The following HARS1 variants were observed in gnomAD, a reference collection of about 807,000 sequenced individuals.
HARS1 encodes the protein histidyl-tRNA synthetase 1, also known as histidine--tRNA ligase, cytoplasmic.
HARS1 carries 45 observed loss-of-function variants against 63.6 expected under a neutral mutation model. The observed-to-expected ratio is 0.71, with a 90% CI of 0.56 to 0.91. HARS1 has a LOEUF of 0.91. Ranked by LOEUF, HARS1 falls within the 40% of genes least tolerant of loss-of-function variation. The pLI is 0.00. For synonymous variants in HARS1, 205 were observed against 247.1 expected, an observed-to-expected ratio of 0.83 and a Z score of 1.60; for missense variants, 508 against 643.2, an observed-to-expected ratio of 0.79 and a Z score of 2.27.
At chr5:140,683,277 T>C (rs1336627371) in intron 2 of HARS1, 58 bp from the exon 3 acceptor site, 5 of 1,566,298 alleles carry the variant, frequency 3.2e-6, no homozygotes, top group Non-Finnish European at 4.4e-6. Flanking sequence ...AAGAACAATA[T>C]GTTTTGGAAA....
chr5:140,686,713 G>A (rs895640233), intron 2 of HARS1, among the ~76,000 whole-genome samples: 1 of 150,928 alleles, frequency 6.6e-6, no homozygotes, highest in African/African-American at 2.4e-5. Context: ...CGATTCTTGT[G>A]CCTTAGCTTC....
At chr5:140,689,043 T>C (rs894873386) in intron 2 of HARS1, among the ~76,000 whole-genome samples, 8 of 152,232 alleles carry the variant, frequency 5.3e-5, no homozygotes, top group African/African-American at 1.9e-4. Flanking sequence ...AAGCTTTTCA[T>C]CTAATAGTTT....
intron 7 of HARS1, 94 bp downstream of exon 7, chr5:140,677,561 T>C: frequency 9.4e-7 from 1 of 1,058,566 alleles, no homozygotes; most frequent in Non-Finnish European, 1.5e-6. Context: ...CTGGTGGGTA[T>C]AGAGGCATGC....
rs750526549 is a variant in HARS1 at position 140,690,863 on chromosome 5, T to C, written c.172A>G (p.Thr58Ala). ...DESKQKFVLKTPKGTRDYSPR... is the reference protein window; with the variant it reads ...DESKQKFVLKAPKGTRDYSPR... ...TACAGGAATGATATTACCTTGGGGGTTTTGAGCACAAATTTCTGTTTGCTT... is the reference window on the plus strand; with the variant it reads ...TACAGGAATGATATTACCTTGGGGGCTTTGAGCACAAATTTCTGTTTGCTT... The change falls in exon 2 of 13, where the codon ACC becomes GCC. Residue 58 changes from threonine to alanine, a missense_variant. Thr to Ala is a moderately conservative substitution (Grantham distance 58). Coordinates refer to ENST00000504156, the MANE Select transcript of HARS1 (RefSeq NM_002109.6). 1.3e-6 allele frequency: 2 copies of C among 1,585,564 alleles called. No individual in the cohort carries two copies. Among genetic ancestry groups the C allele is most frequent in the Non-Finnish European group, 1.7e-6 (2 of 1,153,914 alleles).
In HARS1 at chr5:140,677,943, G is replaced by A; in HGVS notation, c.595C>T (p.Leu199=). The A allele has an allele frequency of 1.2e-6, 2 of 1,612,040 alleles. No homozygotes were observed. The highest frequency in any genetic ancestry group is 1.7e-6 in the Non-Finnish European group (2 of 1,178,390). The change falls in exon 6 of 13, where the codon CTG becomes TTG. Residue 199 remains leucine, a synonymous_variant. Transcript: ENST00000504156. The part of the protein sequence containing the change: ...AECLKIMCEI[L]SSLQIGDFLV... ...AAGTCGCCTATCTGAAGTGAACTCA[G>A]GATCTCGCACATGATCTTCAGGCAC...
intron 10 of HARS1, 26 bp from the exon 11 acceptor site, chr5:140,675,159 G>C: frequency 7.0e-7 from 1 of 1,427,516 alleles, no homozygotes; most frequent in East Asian, 2.3e-5. Flanking sequence ...ATAAAAGAGA[G>C]CTGGGCTAAC....
Position 140,679,328 on chromosome 5 carries a change from C to G in HARS1, c.397-201G>C. On this transcript the variant is annotated intron_variant, in intron 4 of 12. Transcript: ENST00000504156. This position sits in a 1 kb window ranked among gnomAD's most constrained non-coding sequence, Gnocchi z 4.3. ...GAAGGCTCAAAAAAGATTAAGGCAC[C>G]TTTCCCTTTTGTAGTGTTGACTGGA... is the stretch of plus-strand genomic sequence containing the variant. The G allele has an allele frequency of 1.8e-6, 1 of 543,840 alleles. No homozygotes were observed. Among genetic ancestry groups the G allele is most frequent in the Non-Finnish European group, 3.2e-6 (1 of 309,256 alleles). The allele number at this position is 543,840 out of a possible 1,614,324, so 33.7% of individuals were successfully genotyped here.
intron 2 of HARS1, chr5:140,685,220 T>C (rs892624891): frequency 6.6e-6 from 1 of 151,480 alleles, no homozygotes; most frequent in Non-Finnish European, 1.5e-5. Flanking sequence ...CTCTCACTTA[T>C]CTAGTACCTA....
chr5:140,690,090 T>G (rs756102937), intron 2 of HARS1, among the ~76,000 whole-genome samples: 5 of 152,208 alleles, frequency 3.3e-5, no homozygotes, highest in Admixed American at 2.0e-4. Flanking sequence ...GACTCCCCAG[T>G]TCTCCCTTAT....
Position 140,690,942 on chromosome 5 carries a change from G to C in HARS1, c.93C>G (p.Ile31Met), listed in dbSNP as rs768408406. ...LKQQKASAEL[I>M]EEEVAKLLKL... ...TCAGGAGTTTCGCCACCTCCTCCTC[G>C]ATCTGTGGAGGGAAAGAAGGCGCTG... is the stretch of plus-strand genomic sequence containing the variant. The change falls in exon 2 of 13, where the codon ATC becomes ATG. Residue 31 changes from isoleucine (I) to methionine (M), a missense_variant and splice_region_variant. Physicochemically the swap from Ile to Met is conservative, Grantham distance 10. Transcript: ENST00000504156. 3.2e-6 allele frequency: 5 copies of C among 1,575,774 alleles called. No homozygotes were observed. In the African/African-American group the frequency reaches 5.4e-5, roughly 17 times the overall value.
At chr5:140,678,839 G>A (rs779852212) in intron 5 of HARS1, 163 bp downstream of exon 5, 56 of 679,788 alleles carry the variant, frequency 8.2e-5, no homozygotes, top group Non-Finnish European at 1.2e-4. Context: ...GCGAGACTCC[G>A]TCTCAAAAAA....
In HARS1 at chr5:140,676,743, T is replaced by C. The variant is rs749991162; in HGVS notation, c.1105A>G (p.Met369Val). ...ACCTTGCGCCCTTTGGGGTCGAACA[T>C]GCCCACTAGCCCATCATAGCGTCCT... ...AGGRYDGLVG[M>V]FDPKGRKVPC... Residue 369 changes from methionine (M) to valine (V), a missense_variant, in exon 10 of 13, where the codon ATG (methionine) becomes GTG (valine). This residue lies in a region of HARS1 where 403 missense variants were observed against 548.7 expected (regional missense o/e 0.73). Coordinates refer to ENST00000504156, the MANE Select transcript of HARS1 (RefSeq NM_002109.6). The surrounding 1 kb of genome is among the most constrained non-coding windows in gnomAD (Gnocchi z 4.1). 7.4e-6 allele frequency: 12 copies of C among 1,614,208 alleles called. No homozygotes were observed. In the Admixed American group the frequency reaches 8.3e-5, roughly 11 times the overall value.
At chr5:140,683,046 G>T in intron 3 of HARS1, 54 bp downstream of exon 3, 3 of 1,564,046 alleles carry the variant, frequency 1.9e-6, no homozygotes, top group Non-Finnish European at 2.6e-6. Flanking sequence ...CATCTTCTTT[G>T]TTATTCAAAT....
At chr5:140,684,790 T>G (rs564366268) in intron 2 of HARS1, 3 of 152,376 alleles carry the variant, frequency 2.0e-5, no homozygotes, top group Non-Finnish European at 4.4e-5. Flanking sequence ...TTTATTCATT[T>G]AACAAATAAC....
chr5:140,682,941 C>T, intron 3 of HARS1, 159 bp downstream of exon 3: 1 of 613,956 alleles, frequency 1.6e-6, no homozygotes, highest in Non-Finnish European at 2.8e-6. Context: ...AGGGCCTCTC[C>T]CTCCAAGCCA....
Position 140,674,443 on chromosome 5 carries a change from C to G in HARS1, c.1459-115G>C, listed in dbSNP as rs989201500. 52 of 851,026 alleles carry G rather than the reference C, an allele frequency of 6.1e-5. No homozygotes were observed. In the East Asian group the frequency reaches 1.3e-3, roughly 21 times the overall value. The allele number at this position is 851,026 out of a possible 1,614,324, so 52.7% of individuals were successfully genotyped here. The stretch of plus-strand genomic sequence containing the variant: ...GGCTTGTCTCAGCTGGGAGCAGGAA[C>G]CTAATTAAACACCTCAGGCTAGAGT... On this transcript the variant is annotated intron_variant, in intron 12 of 12. Coordinates refer to ENST00000504156, the MANE Select transcript of HARS1 (RefSeq NM_002109.6).
chr5:140,677,882 G>C (rs767676712), intron 6 of HARS1, 26 bp downstream of exon 6: 5 of 1,508,068 alleles, frequency 3.3e-6, no homozygotes, highest in Non-Finnish European at 4.6e-6. Context: ...GCCCAACTTT[G>C]CCCTCCCAGC....
intron 5 of HARS1, chr5:140,678,716 C>G (rs938008757): frequency 1.3e-5 from 3 of 231,024 alleles, no homozygotes; most frequent in Non-Finnish European, 2.5e-5. Context: ...TAGTGGCAGG[C>G]GCCTGTAATC....
intron 10 of HARS1, chr5:140,675,998 A>G (rs1407523147): frequency 1.3e-5 from 2 of 152,210 alleles, no homozygotes; most frequent in African/African-American, 2.4e-5. Context: ...ACCAGCAGCA[A>G]CAAAGGAGGG....
Sources: allele counts gnomAD v4.1 joint callset (sites outside exome capture counted in the v4.1 genomes callset), GRCh38; gene constraint gnomAD v4.1.1; regional missense constraint gnomAD v4.1.1; non-coding constraint Gnocchi (gnomAD v3.1); transcripts MANE v1.5; gene names NCBI Gene and HGNC (gene_info 2026-07-23, HGNC 2026-07-21).